FOXP1: variants seen among roughly 807,000 people sequenced by gnomAD.
The protein encoded by FOXP1 is forkhead box P1.
A neutral mutation model predicts 98.2 loss-of-function variants in FOXP1; 15 were observed. The ratio of observed to expected loss-of-function variants is 0.15; its 90% CI spans 0.10 to 0.24. The LOEUF (loss-of-function observed/expected upper bound fraction) is 0.24. Among genes scored for constraint, FOXP1 ranks in the 10% least tolerant of loss-of-function variants. The pLI, the probability that FOXP1 is intolerant of heterozygous loss-of-function variation, is 1.00. For synonymous variants in FOXP1, 371 were observed against 314.5 expected, an observed-to-expected ratio of 1.18 and a Z score of -1.90; for missense variants, 633 against 848.5, an observed-to-expected ratio of 0.75 and a Z score of 3.15.
chr3:71,227,004 T>C (rs1267260718), intron 5 of FOXP1, among the ~76,000 whole-genome samples: 1 of 152,054 alleles, frequency 6.6e-6, no homozygotes, highest in Non-Finnish European at 1.5e-5. Context: ...GGGAGAGTCA[T>C]TTTGGTCTTC....
intron 19 of FOXP1, 21 bp from the exon 20 acceptor site, chr3:70,966,077 A>G: frequency 6.2e-7 from 1 of 1,609,180 alleles, no homozygotes; most frequent in Non-Finnish European, 8.5e-7. Context: ...CCAAGAGAAA[A>G]TTTATGAAGA....
chr3:71,332,802 GA>G (rs2076419406), intron 4 of FOXP1: 1 of 152,160 alleles, frequency 6.6e-6, no homozygotes, highest in East Asian at 1.9e-4. Flanking sequence ...AACAGATGTG[GA>G]AAAGCTAAGA....
At chr3:71,569,828 G>A (rs1028836532) in intron 2 of FOXP1, among the ~76,000 whole-genome samples, 2 of 151,442 alleles carry the variant, frequency 1.3e-5, no homozygotes, top group Non-Finnish European at 2.9e-5. Flanking sequence ...TGTCGCCCAG[G>A]CTGGAGTCCA....
At chr3:71,142,799 G>A (rs1227290270) in intron 6 of FOXP1, among the ~76,000 whole-genome samples, 1 of 152,168 alleles carries the variant, frequency 6.6e-6, no homozygotes, top group Admixed American at 6.5e-5. Flanking sequence ...AGAACTATGA[G>A]CTAATTTGTG....
intron 11 of FOXP1, among the ~76,000 whole-genome samples, chr3:71,037,844 A>G (rs1304089797): frequency 3.3e-5 from 5 of 152,218 alleles, no homozygotes; most frequent in African/African-American, 1.2e-4. Context: ...TCCTCCCGTA[A>G]TAGTGCTGAA....
At chr3:71,094,322 C>T (rs1327965973) in intron 7 of FOXP1, among the ~76,000 whole-genome samples, 20 of 149,224 alleles carry the variant, frequency 1.3e-4, no homozygotes, top group African/African-American at 4.5e-4. Flanking sequence ...CTCTGTCGCC[C>T]AGGCTGGAGT....
At chr3:71,217,654 T>C (rs2065044608) in intron 5 of FOXP1, among the ~76,000 whole-genome samples, 1 of 151,884 alleles carries the variant, frequency 6.6e-6, no homozygotes, top group Non-Finnish European at 1.5e-5. Context: ...AGAAAAGAAG[T>C]GGCCAAGCTT....
intron 7 of FOXP1, among the ~76,000 whole-genome samples, chr3:71,070,232 A>G (rs1016298613): frequency 4.6e-5 from 7 of 152,228 alleles, no homozygotes; most frequent in African/African-American, 1.7e-4. Flanking sequence ...TTTTAATGTA[A>G]AAATGCACAT....
At chr3:71,356,412 G>T (rs2078164934) in intron 4 of FOXP1, among the ~76,000 whole-genome samples, 1 of 152,050 alleles carries the variant, frequency 6.6e-6, no homozygotes. Flanking sequence ...ACCAGGTGAG[G>T]AGCAATGGAC....
chr3:70,991,535 A>C (rs1315101570), intron 13 of FOXP1, among the ~76,000 whole-genome samples: 1 of 152,110 alleles, frequency 6.6e-6, no homozygotes, highest in Non-Finnish European at 1.5e-5. Context: ...ATTTAACATC[A>C]CCATTTTCTA....
intron 3 of FOXP1, among the ~76,000 whole-genome samples, chr3:71,421,613 C>T (rs1021219435): frequency 6.6e-6 from 1 of 152,132 alleles, no homozygotes; most frequent in Non-Finnish European, 1.5e-5. Flanking sequence ...AACATCAGAA[C>T]CCAGCCGACT....
intron 3 of FOXP1, among the ~76,000 whole-genome samples, chr3:71,451,767 A>G (rs953264629): frequency 1.3e-5 from 2 of 152,206 alleles, no homozygotes; most frequent in Non-Finnish European, 2.9e-5. Flanking sequence ...TTTAAGCGAA[A>G]TGAAAAATGT....
At chr3:71,337,852 C>G (rs2076780137) in intron 4 of FOXP1, among the ~76,000 whole-genome samples, 1 of 152,172 alleles carries the variant, frequency 6.6e-6, no homozygotes, top group South Asian at 2.1e-4. Flanking sequence ...ACAGAGAAGG[C>G]TATGGCAGAG....
At chr3:71,352,056 A>C (rs187882876) in intron 4 of FOXP1, among the ~76,000 whole-genome samples, 1 of 152,340 alleles carries the variant, frequency 6.6e-6, no homozygotes, top group Admixed American at 6.5e-5. Context: ...TTGAAGTATA[A>C]CAGCTCCACA....
chr3:71,221,438 G>A (rs916427253), intron 5 of FOXP1, among the ~76,000 whole-genome samples: 2 of 152,176 alleles, frequency 1.3e-5, no homozygotes, highest in Admixed American at 1.3e-4. Context: ...TAGAGAAGTG[G>A]AGGATGATAC....
In FOXP1 at chr3:71,379,314, C is replaced by T. The variant is rs575945887; in HGVS notation, c.-167-20070G>A. On this transcript the variant is annotated intron_variant, in intron 3 of 20. Transcript: ENST00000649528. ...GGCATAGCAACAAATTACACTGGAC[C>T]GCATACTCAGGAAGTTGTTCTCTTT... is the stretch of plus-strand genomic sequence containing the variant. 1.3e-4 allele frequency among the ~76,000 whole-genome samples: 20 copies of T among 152,184 alleles called. No individual in the cohort carries two copies. In the East Asian group the frequency reaches 3.1e-3, roughly 24 times the overall value.
At chr3:71,434,095 G>A (rs1427950703) in intron 3 of FOXP1, among the ~76,000 whole-genome samples, 1 of 152,160 alleles carries the variant, frequency 6.6e-6, no homozygotes, top group East Asian at 1.9e-4. Flanking sequence ...CTTAGGTAAA[G>A]CCCCAACAGG....
intron 7 of FOXP1, among the ~76,000 whole-genome samples, chr3:71,083,905 C>A (rs1473972940): frequency 6.6e-6 from 1 of 152,182 alleles, no homozygotes; most frequent in Non-Finnish European, 1.5e-5. Flanking sequence ...CAGGTACCTC[C>A]TTCCACAAGA....
At chr3:70,961,901 A>G (rs1048559223) in intron 20 of FOXP1, among the ~76,000 whole-genome samples, 1 of 152,160 alleles carries the variant, frequency 6.6e-6, no homozygotes, top group Admixed American at 6.5e-5. Context: ...ATCTCTAAAT[A>G]AAAAGGTAAT....
Sources: allele counts gnomAD v4.1 joint callset (sites outside exome capture counted in the v4.1 genomes callset), GRCh38; gene constraint gnomAD v4.1.1; transcripts MANE v1.5; gene names NCBI Gene and HGNC (gene_info 2026-07-23, HGNC 2026-07-21).